The following XXYLT1 variants were observed in gnomAD, a reference collection of about 807,000 sequenced individuals.
The protein encoded by XXYLT1 is xyloside xylosyltransferase 1.
Under a neutral mutation model 28.9 loss-of-function variants are expected in XXYLT1, and 20 were observed. The observed-to-expected ratio is 0.69, with a 90% confidence interval of 0.49 to 1.00. The LOEUF (loss-of-function observed/expected upper bound fraction) is 1.00, where lower values mean the gene tolerates loss of function less well. XXYLT1 is among the 50% of genes least tolerant of loss of function. XXYLT1 has a pLI of 0.00. For synonymous variants in XXYLT1, 257 were observed against 253.8 expected, an observed-to-expected ratio of 1.01 and a Z score of -0.12; for missense variants, 542 against 560.1, an observed-to-expected ratio of 0.97 and a Z score of 0.33.
intron 3 of XXYLT1, among the ~76,000 whole-genome samples, chr3:195,126,698 T>C (rs1323664541): frequency 6.6e-6 from 1 of 152,192 alleles, no homozygotes; most frequent in Non-Finnish European, 1.5e-5. Context: ...TCCTCCTCCT[T>C]CTTTCAATTT....
chr3:195,201,911 G>A (rs1722864568), intron 2 of XXYLT1, among the ~76,000 whole-genome samples: 1 of 152,178 alleles, frequency 6.6e-6, no homozygotes, highest in African/African-American at 2.4e-5. Context: ...GGGCGCGGTG[G>A]CTCACACCTG....
rs149581630 is a variant in XXYLT1 at position 195,210,488 on chromosome 3, C to A, written c.652+16221G>T. The stretch of plus-strand genomic sequence containing the variant: ...AAGAAGTAATAAGAGCCAGCTGATG[C>A]CTTTGACCGATAGCCAAGAATTTAA... On this transcript the variant is annotated intron_variant, in intron 2 of 3. Coordinates refer to ENST00000310380, the MANE Select transcript of XXYLT1 (RefSeq NM_152531.5). This position sits in a 1 kb window ranked among gnomAD's most constrained non-coding sequence, Gnocchi z 4.8. 6.4e-3 allele frequency among the ~76,000 whole-genome samples: 974 copies of A among 152,264 alleles called. 7 individuals are homozygous for A. Among genetic ancestry groups the A allele is most frequent in the African/African-American group, 0.022 (922 of 41,558 alleles).
chr3:195,103,429 G>A (rs1446856627), intron 3 of XXYLT1, among the ~76,000 whole-genome samples: 1 of 148,314 alleles, frequency 6.7e-6, no homozygotes, highest in East Asian at 1.9e-4. Context: ...AGCGGCCTGC[G>A]TCCATCACCC....
Position 195,270,651 on chromosome 3 carries a change from C to T in XXYLT1, c.408G>A (p.Val136=), listed in dbSNP as rs1725991952. 6.4e-7 allele frequency: 1 copy of T among 1,572,788 alleles called. No individual in the cohort carries two copies. The highest frequency in any genetic ancestry group is 8.6e-7 in the Non-Finnish European group (1 of 1,165,832). ...LRLAKFEAHE[V]LNLHFVSEEA... is the part of the protein sequence containing the mutation. Reference sequence around the variant, plus strand: ...CCTCGCTCACGAAGTGAAGGTTAAGCACCTCGTGCGCCTCGAACTTGGCGA... The same window carrying T: ...CCTCGCTCACGAAGTGAAGGTTAAGTACCTCGTGCGCCTCGAACTTGGCGA... The change falls in exon 1 of 4, where the codon GTG becomes GTA. Residue 136 remains valine, a synonymous_variant. Coordinates refer to ENST00000310380, the MANE Select transcript of XXYLT1 (RefSeq NM_152531.5).
chr3:195,241,339 T>C (rs565167782), intron 1 of XXYLT1, among the ~76,000 whole-genome samples: 1 of 152,292 alleles, frequency 6.6e-6, no homozygotes, highest in South Asian at 2.1e-4. Flanking sequence ...CTATTCTGTG[T>C]CCTGATTTTC....
Position 195,175,618 on chromosome 3 carries a change from C to T in XXYLT1, c.653-19037G>A, listed in dbSNP as rs762247735. 1.8e-5 allele frequency: 27 copies of T among 1,535,994 alleles called. No homozygotes were observed. The South Asian group carries it at 1.9e-4, about 11-fold the overall frequency. On this transcript the variant is annotated intron_variant, in intron 2 of 3. Coordinates refer to ENST00000310380, the MANE Select transcript of XXYLT1 (RefSeq NM_152531.5). ...AGATGGACACGGTAGTAACAGACAT[C>T]GCTAGTGCTCACCCGCACTCTGCCT...
chr3:195,083,169 T>C (rs1170557357), intron 3 of XXYLT1, among the ~76,000 whole-genome samples: 2 of 152,196 alleles, frequency 1.3e-5, no homozygotes, highest in East Asian at 1.9e-4. Flanking sequence ...GCTTGCCTTT[T>C]CCTACGCATA....
intron 3 of XXYLT1, among the ~76,000 whole-genome samples, chr3:195,098,693 G>T (rs1180329172): frequency 6.6e-6 from 1 of 152,234 alleles, no homozygotes; most frequent in Non-Finnish European, 1.5e-5. Flanking sequence ...CGCTGCGCTG[G>T]CCCCTGCTGC....
intron 2 of XXYLT1, among the ~76,000 whole-genome samples, chr3:195,205,585 G>A (rs1313618686): frequency 6.6e-6 from 1 of 152,138 alleles, no homozygotes; most frequent in Non-Finnish European, 1.5e-5. Context: ...TATCCTGGCC[G>A]GGCACGGTAG....
At chr3:195,117,092 CATCCT>C (rs1436088610) in intron 3 of XXYLT1, among the ~76,000 whole-genome samples, 2 of 136,866 alleles carry the variant, frequency 1.5e-5, no homozygotes, top group Non-Finnish European at 3.1e-5. Context: ...AATCTGGAAA[CATCCT>C]ATATATATAT....
Position 195,122,227 on chromosome 3 carries a change from T to C in XXYLT1, c.785+34222A>G, listed in dbSNP as rs144707796. 1.1e-3 allele frequency: 780 copies of C among 700,970 alleles called. 3 individuals carry two copies. The African/African-American group carries it at 0.012, about 11-fold the overall frequency. 43.4% of individuals were successfully genotyped at this position (700,970 alleles called of 1,614,324 possible). The stretch of plus-strand genomic sequence containing the variant: ...ATCACTCTCCAAAGGCCCCACCTCC[T>C]GATACCATCACACTGGGGGTTAGGA... On this transcript the variant is annotated intron_variant, in intron 3 of 3. Coordinates refer to ENST00000310380, the MANE Select transcript of XXYLT1 (RefSeq NM_152531.5).
At chr3:195,096,987 C>T (rs192198213) in intron 3 of XXYLT1, among the ~76,000 whole-genome samples, 33 of 152,336 alleles carry the variant, frequency 2.2e-4, no homozygotes, top group African/African-American at 7.2e-4. Flanking sequence ...GGTCAGGCTG[C>T]GCTGAGCGCT....
At chr3:195,127,064 G>C (rs1247071400) in intron 3 of XXYLT1, among the ~76,000 whole-genome samples, 1 of 152,206 alleles carries the variant, frequency 6.6e-6, no homozygotes, top group Non-Finnish European at 1.5e-5. Context: ...AATGAAAGAA[G>C]TCTTCAGGGG....
At chr3:195,242,287 G>A (rs752535501) in intron 1 of XXYLT1, among the ~76,000 whole-genome samples, 10 of 152,154 alleles carry the variant, frequency 6.6e-5, no homozygotes, top group Non-Finnish European at 1.3e-4. Context: ...CTTCCACATA[G>A]GACTTACTCT....
In XXYLT1 at chr3:195,069,489, C is replaced by A; in HGVS notation, c.*226G>T. ...CTGGACATGCGTGTCCTTTGTGTCG[C>A]CTGCTCCCTGGAGGAATAAGGTCCC... On this transcript the variant is annotated 3_prime_UTR_variant, in exon 4 of 4. Transcript: ENST00000310380. 1.7e-6 allele frequency: 1 copy of A among 583,694 alleles called. No homozygotes were observed. The highest frequency in any genetic ancestry group is 2.9e-6 in the Non-Finnish European group (1 of 340,306). The allele number at this position is 583,694 out of a possible 1,614,324, so 36.2% of individuals were successfully genotyped here.
At chr3:195,243,169 T>C (rs1344531169) in intron 1 of XXYLT1, among the ~76,000 whole-genome samples, 3 of 151,632 alleles carry the variant, frequency 2.0e-5, no homozygotes, top group Admixed American at 6.6e-5. Context: ...ATGAGAACAC[T>C]TGGACACAGC....
At chr3:195,112,510 ACACC>A (rs201231200) in intron 3 of XXYLT1, among the ~76,000 whole-genome samples, 4 of 26,062 alleles carry the variant, frequency 1.5e-4, no homozygotes, top group African/African-American at 3.7e-4. Flanking sequence ...ACACCCACAC[ACACC>A]CACACACACA....
intron 2 of XXYLT1, among the ~76,000 whole-genome samples, chr3:195,191,323 A>G (rs184339052): frequency 6.6e-6 from 1 of 152,350 alleles, no homozygotes; most frequent in African/African-American, 2.4e-5. Flanking sequence ...TTCCACATGA[A>G]GATGACAAAG....
At position 195,078,957 on chromosome 3, in the gene XXYLT1, C is replaced by T. The variant is rs552010178; in HGVS notation, c.786-8846G>A. Among the ~76,000 whole-genome samples the T allele has an allele frequency of 8.7e-4, 132 of 152,304 alleles. No individual in the cohort carries two copies. Among genetic ancestry groups the T allele is most frequent in the African/African-American group, 3.1e-3 (127 of 41,564 alleles). On this transcript the variant is annotated intron_variant, in intron 3 of 3. Coordinates refer to ENST00000310380, the MANE Select transcript of XXYLT1 (RefSeq NM_152531.5). This position sits in a 1 kb window ranked among gnomAD's most constrained non-coding sequence, Gnocchi z 5.0. ...GCTCTCCATGAACTTTGCGACCAGA[C>T]GCACTCTGCTCCAGTGATGGGAACT... is the stretch of plus-strand genomic sequence containing the variant.
Sources: allele counts gnomAD v4.1 joint callset (sites outside exome capture counted in the v4.1 genomes callset), GRCh38; gene constraint gnomAD v4.1.1; non-coding constraint Gnocchi (gnomAD v3.1); transcripts MANE v1.5; gene names NCBI Gene and HGNC (gene_info 2026-07-23, HGNC 2026-07-21).